LPAR1: variants seen among roughly 807,000 people sequenced by gnomAD.
The protein encoded by LPAR1 is LPA receptor 1.
A neutral mutation model predicts 23.8 loss-of-function variants in LPAR1; 5 were observed. That is an observed-to-expected ratio of 0.21 (90% CI 0.11 to 0.44). The LOEUF (loss-of-function observed/expected upper bound fraction) is 0.44. LPAR1 is among the 20% of genes least tolerant of loss of function. LPAR1 has a pLI of 0.99. For synonymous variants in LPAR1, 160 were observed against 164.7 expected (o/e 0.97, Z 0.22); for missense variants, 311 against 482.8 (o/e 0.64, Z 3.33).
intron 5 of LPAR1, among the ~76,000 whole-genome samples, chr9:110,884,592 G>T (rs990483214): frequency 6.6e-6 from 1 of 152,118 alleles, no homozygotes; most frequent in African/African-American, 2.4e-5. Flanking sequence ...ACCAACCTAG[G>T]CCATTAACCA....
At chr9:110,950,394 G>A (rs2095531184) in intron 4 of LPAR1, among the ~76,000 whole-genome samples, 1 of 151,658 alleles carries the variant, frequency 6.6e-6, no homozygotes, top group African/African-American at 2.4e-5. Context: ...GAACCTGGGA[G>A]GCGGAGGTTG....
chr9:111,024,237 AT>A (rs1332406944), intron 2 of LPAR1, among the ~76,000 whole-genome samples: 1 of 151,928 alleles, frequency 6.6e-6, no homozygotes, highest in Non-Finnish European at 1.5e-5. Flanking sequence ...GAAGGGCGTA[AT>A]ATTAGACTGA....
chr9:110,875,814 G>C, intron 5 of LPAR1, 92 bp from the exon 6 acceptor site: 2 of 641,036 alleles, frequency 3.1e-6, no homozygotes, highest in Non-Finnish European at 4.8e-6. Context: ...AATGATTTCA[G>C]TTCAATATAA....
chr9:111,020,688 C>A (rs1251201211), intron 2 of LPAR1, among the ~76,000 whole-genome samples: 1 of 152,132 alleles, frequency 6.6e-6, no homozygotes, highest in Non-Finnish European at 1.5e-5. Context: ...CATTGAGCAC[C>A]TGTGCCTAGT....
intron 2 of LPAR1, among the ~76,000 whole-genome samples, chr9:111,028,541 T>C (rs535401520): frequency 1.6e-4 from 25 of 152,268 alleles, no homozygotes; most frequent in Middle Eastern, 3.4e-3. Context: ...TAAACTTGTC[T>C]TTTTTCTATC....
intron 4 of LPAR1, among the ~76,000 whole-genome samples, chr9:110,959,055 CAA>C (rs61391639): frequency 1.0e-5 from 1 of 99,572 alleles, no homozygotes; most frequent in African/African-American, 3.6e-5. Flanking sequence ...ATTAAAAAGA[CAA>C]AAAAAAAAAA....
At position 110,964,842 on chromosome 9, in the gene LPAR1, G is replaced by C. The variant is rs529073917; in HGVS notation, c.45+7231C>G. ...AGTGTCTTCCAAAAGACAACAAACA[G>C]ACACCAATCACTTTTTTTTTTTTTT... On this transcript the variant is annotated intron_variant, in intron 4 of 5. Transcript: ENST00000683809. 7.1e-4 allele frequency among the ~76,000 whole-genome samples: 93 copies of C among 131,616 alleles called. 1 individual carries two copies. The highest frequency in any genetic ancestry group is 2.0e-3 in the African/African-American group (73 of 36,534). 86.3% of individuals were successfully genotyped at this position (131,616 alleles called of 152,430 possible). A position where few individuals can be genotyped will look rare whatever the true frequency, so the allele number is the denominator to read the frequency against.
Position 110,902,944 on chromosome 9 carries a change from C to T in LPAR1, c.794-27222G>A, listed in dbSNP as rs562544176. On this transcript the variant is annotated intron_variant, in intron 5 of 5. Coordinates refer to ENST00000683809, the MANE Select transcript of LPAR1 (RefSeq NM_001351411.2). Reference sequence around the variant, plus strand: ...GCAGCCCCAGATAAACCAAGAAGACCAAAATAGCACCACAAAGTCTCTGAA... The same window carrying T: ...GCAGCCCCAGATAAACCAAGAAGACTAAAATAGCACCACAAAGTCTCTGAA... Among the ~76,000 whole-genome samples the T allele has an allele frequency of 2.0e-5, 3 of 152,228 alleles. No homozygotes were observed. The South Asian group carries it at 6.2e-4, about 32-fold the overall frequency.
intron 5 of LPAR1, among the ~76,000 whole-genome samples, chr9:110,900,519 G>T (rs769113658): frequency 3.9e-5 from 6 of 152,080 alleles, no homozygotes; most frequent in Non-Finnish European, 8.8e-5. Flanking sequence ...ATTTTCTTCT[G>T]TGCCGCAAGT....
chr9:110,994,557 T>C (rs1219603118), intron 2 of LPAR1, among the ~76,000 whole-genome samples: 2 of 152,168 alleles, frequency 1.3e-5, no homozygotes, highest in Admixed American at 6.5e-5. Context: ...GTGTAAACAA[T>C]TCACTCTTAA....
chr9:110,991,933 T>G (rs1236523080), intron 2 of LPAR1, among the ~76,000 whole-genome samples: 1 of 151,918 alleles, frequency 6.6e-6, no homozygotes, highest in East Asian at 1.9e-4. Context: ...GCTGTAGTCC[T>G]CAGTCAGTCT....
intron 5 of LPAR1, among the ~76,000 whole-genome samples, chr9:110,902,235 A>G (rs2089439904): frequency 6.6e-6 from 1 of 152,094 alleles, no homozygotes. Flanking sequence ...CAGCGGTACT[A>G]GCCAGGGAAA....
chr9:110,906,492 T>C (rs796304346), intron 5 of LPAR1, among the ~76,000 whole-genome samples: 20 of 152,334 alleles, frequency 1.3e-4, no homozygotes, highest in African/African-American at 4.8e-4. Flanking sequence ...AGCTCATCTT[T>C]TCATTTTTTA....
chr9:110,943,865 C>CAAA (rs11361205), intron 4 of LPAR1, among the ~76,000 whole-genome samples: 1 of 109,820 alleles, frequency 9.1e-6, no homozygotes. Context: ...AACTCCATCT[C>CAAA]AAAAAAAAAA....
chr9:110,901,978 C>A (rs908515115), intron 5 of LPAR1, among the ~76,000 whole-genome samples: 2 of 152,090 alleles, frequency 1.3e-5, no homozygotes, highest in African/African-American at 4.8e-5. Context: ...TTCCCTGTTT[C>A]TCCCAGCTAA....
chr9:110,941,394 G>T lies in LPAR1; in HGVS notation c.793+27C>A, dbSNP rs2095094397. 6.4e-7 allele frequency: 1 copy of T among 1,568,886 alleles called. No homozygotes were observed. The highest frequency in any genetic ancestry group is 1.4e-5 in the African/African-American group (1 of 73,558). On this transcript the variant is annotated intron_variant, in intron 5 of 5. Coordinates refer to ENST00000683809, the MANE Select transcript of LPAR1 (RefSeq NM_001351411.2). The surrounding 1 kb of genome is among the most constrained non-coding windows in gnomAD (Gnocchi z 6.1). Reference sequence around the variant, plus strand: ...ATGTTAGTCACTGAGAATCTATAAAGTAAGTTACAGTCAAGACAGAACTTA... The same window carrying T: ...ATGTTAGTCACTGAGAATCTATAAATTAAGTTACAGTCAAGACAGAACTTA...
chr9:110,975,039 C>T (rs3758281), intron 2 of LPAR1, among the ~76,000 whole-genome samples: 121,788 of 152,030 alleles, frequency 0.8, 49,308 homozygotes, highest in Middle Eastern at 0.87. Flanking sequence ...CATTATCTTG[C>T]TCTATGTGAC....
At chr9:110,921,415 C>T (rs971779935) in intron 5 of LPAR1, among the ~76,000 whole-genome samples, 2 of 152,040 alleles carry the variant, frequency 1.3e-5, no homozygotes, top group Non-Finnish European at 2.9e-5. Context: ...AAGTAAATTA[C>T]GAAATTACTG....
intron 5 of LPAR1, among the ~76,000 whole-genome samples, chr9:110,878,105 T>C (rs555317534): frequency 6.6e-6 from 1 of 152,138 alleles, no homozygotes; most frequent in Non-Finnish European, 1.5e-5. Context: ...TCCTCTCCTT[T>C]ATCTTCTTCA....
Sources: gnomAD v4.1 joint callset for allele counts (sites outside exome capture counted in the v4.1 genomes callset) on GRCh38, gnomAD v4.1.1 for gene constraint, Gnocchi (gnomAD v3.1) non-coding constraint, MANE v1.5 for transcripts, NCBI Gene and HGNC (gene_info 2026-07-23, HGNC 2026-07-21) for gene names.